Variants in TRAF3 observed in about 807,000 individuals in gnomAD.
TRAF3 encodes the protein TNF receptor associated factor 3, also known as TNF receptor-associated factor 3.
A neutral mutation model predicts 62.3 loss-of-function variants in TRAF3; 13 were observed. That is an observed-to-expected ratio of 0.21 (90% CI 0.14 to 0.33). The LOEUF (loss-of-function observed/expected upper bound fraction) is 0.33, where lower values mean the gene tolerates loss of function less well. TRAF3 is among the 10% of genes least tolerant of loss of function. The probability of loss-of-function intolerance (pLI) is 1.00; values close to 1 mark genes in which losing one functional copy is unlikely to be tolerated. For synonymous variants in TRAF3, 269 were observed against 283.4 expected (o/e 0.95, Z 0.51); for missense variants, 440 against 741.8 (o/e 0.59, Z 4.73).
rs1351359023 is a variant in TRAF3 at position 102,908,985 on chromosome 14, C to T, written c.*3201C>T. ...GGTTCTAGGGCTTGTCCCGCGGAGC[C>T]TGCAGAGCTAGACGTTGGGGTGTGT... On this transcript the variant is annotated 3_prime_UTR_variant, in exon 12 of 12. Coordinates refer to ENST00000392745, the MANE Select transcript of TRAF3 (RefSeq NM_145725.3). 1 of 152,476 alleles carries T rather than the reference C, an allele frequency of 6.6e-6. No individual in the cohort carries two copies. Among genetic ancestry groups the T allele is most frequent in the East Asian group, 1.9e-4 (1 of 5,190 alleles). 9.4% of individuals were successfully genotyped at this position (152,476 alleles called of 1,614,324 possible).
At chr14:102,866,163 C>G (rs1055552857) in intron 2 of TRAF3, among the ~76,000 whole-genome samples, 3 of 152,134 alleles carry the variant, frequency 2.0e-5, no homozygotes, top group African/African-American at 4.8e-5. Flanking sequence ...TCATTCTCAG[C>G]AAACTAACAG....
At chr14:102,890,828 T>G (rs537417106) in intron 8 of TRAF3, among the ~76,000 whole-genome samples, 2 of 152,330 alleles carry the variant, frequency 1.3e-5, no homozygotes, top group African/African-American at 4.8e-5. Flanking sequence ...ATACAGTGTA[T>G]TTGAACTAAT....
At chr14:102,813,644 G>A (rs1426285432) in intron 1 of TRAF3, among the ~76,000 whole-genome samples, 1 of 151,192 alleles carries the variant, frequency 6.6e-6, no homozygotes, top group Non-Finnish European at 1.5e-5. Context: ...AGAGATGGGA[G>A]TTTGCCATGT....
intron 1 of TRAF3, among the ~76,000 whole-genome samples, chr14:102,815,953 T>G (rs1410671208): frequency 6.6e-6 from 1 of 152,164 alleles, no homozygotes; most frequent in Non-Finnish European, 1.5e-5. Flanking sequence ...GGGATTACAA[T>G]TCGAGATGAG....
At chr14:102,814,285 A>G (rs1899379031) in intron 1 of TRAF3, among the ~76,000 whole-genome samples, 1 of 152,026 alleles carries the variant, frequency 6.6e-6, no homozygotes, top group Admixed American at 6.6e-5. Context: ...ATCTGTTTTT[A>G]TAGACACATA....
chr14:102,883,995 G>T (rs1454426413), intron 6 of TRAF3, among the ~76,000 whole-genome samples: 1 of 152,208 alleles, frequency 6.6e-6, no homozygotes, highest in Admixed American at 6.5e-5. Flanking sequence ...CAGATTCAGG[G>T]TTTTTTAAAA....
intron 2 of TRAF3, among the ~76,000 whole-genome samples, chr14:102,842,198 C>T (rs916570924): frequency 2.7e-5 from 4 of 150,498 alleles, no homozygotes; most frequent in Middle Eastern, 3.5e-3. Flanking sequence ...GAGCCGAGAT[C>T]ACACCACTGC....
chr14:102,832,207 C>G (rs182365194), intron 2 of TRAF3, among the ~76,000 whole-genome samples: 4 of 152,218 alleles, frequency 2.6e-5, no homozygotes, highest in Non-Finnish European at 5.9e-5. Flanking sequence ...TAAAGATAAA[C>G]TCACAGTTAT....
intron 6 of TRAF3, among the ~76,000 whole-genome samples, chr14:102,885,562 A>T (rs1889331174): frequency 6.6e-6 from 1 of 152,232 alleles, no homozygotes; most frequent in African/African-American, 2.4e-5. Context: ...GCCATCATCC[A>T]GCCTTAGCAA....
At chr14:102,840,750 GC>G (rs1292917741) in intron 2 of TRAF3, among the ~76,000 whole-genome samples, 3 of 152,076 alleles carry the variant, frequency 2.0e-5, no homozygotes, top group African/African-American at 7.2e-5. Context: ...CACTTGGCTT[GC>G]CCTAGTCCCA....
chr14:102,877,707 A>G (rs758227891), intron 6 of TRAF3, among the ~76,000 whole-genome samples: 17 of 139,216 alleles, frequency 1.2e-4, no homozygotes, highest in Admixed American at 3.8e-4. Context: ...TGCTCAGCTC[A>G]TAGGTAATCC....
intron 1 of TRAF3, among the ~76,000 whole-genome samples, chr14:102,802,955 A>T (rs1420377684): frequency 6.6e-6 from 1 of 152,224 alleles, no homozygotes; most frequent in Admixed American, 6.5e-5. Context: ...GGAAGCAAAC[A>T]CATCCTTCAC....
chr14:102,792,610 G>A (rs1461468057), intron 1 of TRAF3, among the ~76,000 whole-genome samples: 5 of 150,814 alleles, frequency 3.3e-5, no homozygotes, highest in Non-Finnish European at 1.5e-5. Context: ...GTTGAGTTTT[G>A]TCAAATGCTT....
chr14:102,888,286 C>T (rs1394645757), intron 7 of TRAF3, among the ~76,000 whole-genome samples: 13 of 152,208 alleles, frequency 8.5e-5, no homozygotes, highest in Admixed American at 8.5e-4. Flanking sequence ...GCAGGGGCAG[C>T]CGGTCTGGGT....
intron 2 of TRAF3, among the ~76,000 whole-genome samples, chr14:102,864,027 C>A (rs539636939): frequency 6.6e-6 from 1 of 152,124 alleles, no homozygotes; most frequent in Non-Finnish European, 1.5e-5. Context: ...CCATGGAACT[C>A]GCGGTTCTTG....
chr14:102,889,031 T>TA (rs2139932928), intron 7 of TRAF3, among the ~76,000 whole-genome samples: 1 of 152,312 alleles, frequency 6.6e-6, no homozygotes, highest in Admixed American at 6.5e-5. Context: ...TTCTGGCCCT[T>TA]ACAGAGGGAA....
At chr14:102,794,091 G>C (rs545932080) in intron 1 of TRAF3, among the ~76,000 whole-genome samples, 1 of 152,182 alleles carries the variant, frequency 6.6e-6, no homozygotes, top group Non-Finnish European at 1.5e-5. Flanking sequence ...TCCTAAGGTG[G>C]TTGTGCTTCT....
In TRAF3 at chr14:102,903,455, A is replaced by C; in HGVS notation, c.1135+26A>C. ...GTGAGGCAGGGGCCGGGGCCGGGCC[A>C]GCAGTGTGCATCTGGGCCCCGGGCG... On this transcript the variant is annotated intron_variant, in intron 11 of 11. Coordinates refer to ENST00000392745, the MANE Select transcript of TRAF3 (RefSeq NM_145725.3). This position sits in a 1 kb window ranked among gnomAD's most constrained non-coding sequence, Gnocchi z 6.4. The C allele has an allele frequency of 1.9e-6, 3 of 1,612,670 alleles. No individual in the cohort carries two copies. The highest frequency in any genetic ancestry group is 2.5e-6 in the Non-Finnish European group (3 of 1,179,486).
chr14:102,854,801 GTTTTTT>G (rs35634271), intron 2 of TRAF3, among the ~76,000 whole-genome samples: 1 of 136,870 alleles, frequency 7.3e-6, no homozygotes, highest in African/African-American at 2.7e-5. Flanking sequence ...GCACCTGGCT[GTTTTTT>G]TTTTTTTTTT....
Sources: allele counts gnomAD v4.1 joint callset (sites outside exome capture counted in the v4.1 genomes callset), GRCh38; gene constraint gnomAD v4.1.1; non-coding constraint Gnocchi (gnomAD v3.1); transcripts MANE v1.5; gene names NCBI Gene and HGNC (gene_info 2026-07-23, HGNC 2026-07-21).